Variants in CUX1 observed in about 807,000 individuals in gnomAD.
CUX1 encodes protein CASP.
In CUX1, 31 loss-of-function variants were observed where a neutral mutation model predicts 158.8. The ratio of observed to expected loss-of-function variants is 0.20; its 90% CI spans 0.15 to 0.26. The LOEUF (loss-of-function observed/expected upper bound fraction) is 0.26, where lower values mean the gene tolerates loss of function less well. Among genes scored for constraint, CUX1 ranks in the 10% least tolerant of loss-of-function variants. CUX1 has a pLI of 1.00. For missense variants in CUX1, 1,589 were observed against 2,014.6 expected (o/e 0.79, Z 4.04); for synonymous variants, 879 against 862.1 (o/e 1.02, Z -0.34).
At chr7:101,823,156 G>A (rs1453289306) in intron 1 of CUX1, among the ~76,000 whole-genome samples, 2 of 152,136 alleles carry the variant, frequency 1.3e-5, no homozygotes, top group African/African-American at 2.4e-5. Flanking sequence ...CATGGGAAGT[G>A]CAGGTACTGT....
intron 1 of CUX1, among the ~76,000 whole-genome samples, chr7:101,884,956 C>T (rs879092894): frequency 7.9e-5 from 12 of 152,154 alleles, no homozygotes; most frequent in African/African-American, 2.2e-4. Context: ...AGCCCTCACT[C>T]GGCCACCTTT....
intron 1 of CUX1, among the ~76,000 whole-genome samples, chr7:101,915,871 G>A (rs1193493159): frequency 2.0e-5 from 3 of 152,132 alleles, no homozygotes; most frequent in South Asian, 2.1e-4. Flanking sequence ...ATTGAGGCAC[G>A]ACCCATGATG....
At chr7:101,880,271 A>G (rs1024704694) in intron 1 of CUX1, among the ~76,000 whole-genome samples, 3 of 152,178 alleles carry the variant, frequency 2.0e-5, no homozygotes, top group African/African-American at 7.2e-5. Flanking sequence ...TTCACTGTGG[A>G]TTAAAGCTCG....
intron 2 of CUX1, among the ~76,000 whole-genome samples, chr7:101,966,159 G>A (rs761769787): frequency 6.6e-6 from 1 of 152,070 alleles, no homozygotes; most frequent in South Asian, 2.1e-4. Context: ...CAACCTCCCC[G>A]GGCTCAGCTG....
At chr7:102,245,339 C>G (rs1305668678) in intron 23 of CUX1, among the ~76,000 whole-genome samples, 2 of 152,174 alleles carry the variant, frequency 1.3e-5, no homozygotes, top group African/African-American at 4.8e-5. Flanking sequence ...TCCCTGCACC[C>G]GGCCTGAGCA....
intron 1 of CUX1, among the ~76,000 whole-genome samples, chr7:101,915,902 C>A (rs1804135054): frequency 6.6e-6 from 1 of 152,136 alleles, no homozygotes; most frequent in Non-Finnish European, 1.5e-5. Flanking sequence ...TTGGTTTTCT[C>A]AACCACTTCA....
At chr7:102,208,148 A>C (rs1344305713) in intron 20 of CUX1, among the ~76,000 whole-genome samples, 2 of 152,126 alleles carry the variant, frequency 1.3e-5, no homozygotes, top group Non-Finnish European at 2.9e-5. Context: ...AGATCACGCC[A>C]CTGCACTCCA....
At chr7:101,937,135 G>A (rs1047259644) in intron 2 of CUX1, among the ~76,000 whole-genome samples, 1 of 152,158 alleles carries the variant, frequency 6.6e-6, no homozygotes, top group Admixed American at 6.5e-5. Flanking sequence ...GTGTTTGCAT[G>A]TCTCTGTCTC....
chr7:102,045,259 G>A (rs1297227686), intron 3 of CUX1, among the ~76,000 whole-genome samples: 1 of 152,232 alleles, frequency 6.6e-6, no homozygotes, highest in Non-Finnish European at 1.5e-5. Context: ...CATAACATAG[G>A]AAATGAACAG....
At chr7:102,168,926 TTCTTTTATTTTC>T (rs1554509639) in intron 9 of CUX1, among the ~76,000 whole-genome samples, 13 of 41,820 alleles carry the variant, frequency 3.1e-4, no homozygotes, top group African/African-American at 1.7e-3. Context: ...TTCTTTTCTT[TTCTTTTATTTTC>T]TTTTTTTTTT....
chr7:102,009,344 A>C (rs572501544), intron 2 of CUX1, among the ~76,000 whole-genome samples: 12 of 152,220 alleles, frequency 7.9e-5, no homozygotes, highest in African/African-American at 2.6e-4. Context: ...GCCAGGTGAC[A>C]CCCCTCACCT....
chr7:101,932,605 A>T (rs1230275345), intron 2 of CUX1: 2 of 455,744 alleles, frequency 4.4e-6, no homozygotes, highest in African/African-American at 2.0e-5. Flanking sequence ...GGCCTGGTTG[A>T]TGTGTGCTCG....
At chr7:102,042,137 T>C (rs955805927) in intron 3 of CUX1, among the ~76,000 whole-genome samples, 1 of 152,104 alleles carries the variant, frequency 6.6e-6, no homozygotes, top group Non-Finnish European at 1.5e-5. Flanking sequence ...TTAAGCATCA[T>C]GGGTGAAATA....
chr7:102,063,257 G>A (rs1825137018), intron 3 of CUX1, among the ~76,000 whole-genome samples: 1 of 152,154 alleles, frequency 6.6e-6, no homozygotes, highest in African/African-American at 2.4e-5. Flanking sequence ...GCGCTGTTGG[G>A]TGTGTACAGT....
rs551401934 is a variant in CUX1, at chr7:102,190,016, T to C, written c.1076+145T>C. The C allele has an allele frequency of 5.4e-5, 44 of 816,660 alleles. No individual in the cohort carries two copies. The East Asian group carries it at 1.1e-3, about 21-fold the overall frequency. The allele number at this position is 816,660 out of a possible 1,614,324, so 50.6% of individuals were successfully genotyped here. On this transcript the variant is annotated intron_variant, in intron 12 of 23. Transcript: ENST00000292535. ...GTAAATGCAGCCAGAGTTCTACCAC[T>C]GCATGGTGTCCTGGGCTACCCACCA...
chr7:102,060,596 CACACACAAATAA>C (rs1473740499), intron 3 of CUX1, among the ~76,000 whole-genome samples: 147 of 79,892 alleles, frequency 1.8e-3, no homozygotes, highest in African/African-American at 6.1e-3. Context: ...TATATATACA[CACACACAAATAA>C]ACACACACAC....
chr7:101,963,981 A>G (rs901404475), intron 2 of CUX1, among the ~76,000 whole-genome samples: 8 of 152,086 alleles, frequency 5.3e-5, no homozygotes, highest in East Asian at 1.9e-4. Context: ...CCCTTTACCT[A>G]TGTAATTTCA....
chr7:102,002,215 T>C (rs1349858076), intron 2 of CUX1, among the ~76,000 whole-genome samples: 1 of 152,162 alleles, frequency 6.6e-6, no homozygotes, highest in Non-Finnish European at 1.5e-5. Context: ...CAGGAGGATC[T>C]CTTCAGCCCA....
At chr7:102,148,819 A>G (rs1835298996) in intron 8 of CUX1, among the ~76,000 whole-genome samples, 1 of 151,370 alleles carries the variant, frequency 6.6e-6, no homozygotes, top group Admixed American at 6.6e-5. Flanking sequence ...CACCCAATAT[A>G]TAGTCTTTTT....
Sources: gnomAD v4.1 joint callset for allele counts (sites outside exome capture counted in the v4.1 genomes callset) on GRCh38, gnomAD v4.1.1 for gene constraint, MANE v1.5 for transcripts, NCBI Gene and HGNC (gene_info 2026-07-23, HGNC 2026-07-21) for gene names.